LRRC4C: variants seen among roughly 807,000 people sequenced by gnomAD.
LRRC4C encodes leucine-rich repeat-containing protein 4C.
Under a neutral mutation model 33.6 loss-of-function variants are expected in LRRC4C, and 5 were observed. The ratio of observed to expected loss-of-function variants is 0.15; its 90% CI spans 0.08 to 0.31. The LOEUF is 0.31. Ranked by LOEUF, LRRC4C falls within the 10% of genes least tolerant of loss-of-function variation. The pLI is 1.00. For synonymous variants in LRRC4C, 329 were observed against 302.0 expected (o/e 1.09, Z -0.93); for missense variants, 560 against 796.7 (o/e 0.70, Z 3.58).
rs189825400 is a variant in LRRC4C, at chr11:41,364,242, A to G, written c.-496+95189T>C. 3.3e-5 allele frequency among the ~76,000 whole-genome samples: 5 copies of G among 152,312 alleles called. No individual in the cohort carries two copies. The East Asian group carries it at 9.6e-4, about 29-fold the overall frequency. On this transcript the variant is annotated intron_variant, in intron 1 of 6. Coordinates refer to ENST00000528697, the MANE Select transcript of LRRC4C (RefSeq NM_001258419.2). ...TATTCACTAGAATTAAATTTAGTTT[A>G]AAATCTTAAGGCAAAATTTTTTAAA...
intron 1 of LRRC4C, among the ~76,000 whole-genome samples, chr11:41,378,566 T>C (rs1317797413): frequency 2.0e-5 from 3 of 152,118 alleles, no homozygotes; most frequent in Non-Finnish European, 1.5e-5. Context: ...TGCGGTATGC[T>C]CAAGATTTGG....
At chr11:40,467,217 C>T (rs1353505914) in intron 3 of LRRC4C, among the ~76,000 whole-genome samples, 3 of 152,054 alleles carry the variant, frequency 2.0e-5, no homozygotes, top group Non-Finnish European at 4.4e-5. Flanking sequence ...TGCAAAAACT[C>T]AGAGGAAGTT....
At chr11:40,130,990 C>G (rs1856607424) in intron 6 of LRRC4C, among the ~76,000 whole-genome samples, 1 of 152,144 alleles carries the variant, frequency 6.6e-6, no homozygotes, top group Non-Finnish European at 1.5e-5. Context: ...CCTAAATTGT[C>G]CGTAAAGCCA....
rs1477656314 is a variant in LRRC4C, at chr11:40,480,344, AAAAT to A, written c.-269-160627_-269-160624del. Among the ~76,000 whole-genome samples the A allele has an allele frequency of 2.6e-5, 4 of 151,392 alleles. No individual in the cohort carries two copies. In the East Asian group the frequency reaches 5.8e-4, roughly 22 times the overall value. On this transcript the variant is annotated intron_variant, in intron 3 of 6. Transcript: ENST00000528697. Reference sequence around the variant, plus strand: ...TTTTCTCCTCTCCCATCTATGAATTAAAATAAATAAAAATAAAAATAAAAATAAA... The same window carrying A: ...TTTTCTCCTCTCCCATCTATGAATTAAAATAAAAATAAAAATAAAAATAAA...
chr11:40,306,941 G>GA (rs1565255913), intron 4 of LRRC4C, among the ~76,000 whole-genome samples: 3 of 146,942 alleles, frequency 2.0e-5, no homozygotes. Flanking sequence ...AGGTTATCTG[G>GA]TTTTTTTTTT....
chr11:41,270,006 C>T (rs974474554), intron 1 of LRRC4C, among the ~76,000 whole-genome samples: 6 of 151,952 alleles, frequency 3.9e-5, no homozygotes, highest in Admixed American at 1.3e-4. Flanking sequence ...AAATATTTAG[C>T]GGGGGATTGG....
intron 3 of LRRC4C, among the ~76,000 whole-genome samples, chr11:40,438,405 G>C (rs1354965974): frequency 2.0e-5 from 3 of 152,096 alleles, no homozygotes; most frequent in African/African-American, 7.2e-5. Flanking sequence ...TTATCACCTT[G>C]ATTGGTCTCC....
chr11:40,378,443 G>A (rs2137319524), intron 3 of LRRC4C, among the ~76,000 whole-genome samples: 1 of 151,952 alleles, frequency 6.6e-6, no homozygotes, highest in Middle Eastern at 3.4e-3. Flanking sequence ...TCCATGTTGG[G>A]TAATGTTAAA....
At chr11:40,456,000 C>T (rs1245345369) in intron 3 of LRRC4C, among the ~76,000 whole-genome samples, 1 of 152,112 alleles carries the variant, frequency 6.6e-6, no homozygotes, top group African/African-American at 2.4e-5. Flanking sequence ...TCCATGTTCT[C>T]AATACCTAAC....
intron 3 of LRRC4C, among the ~76,000 whole-genome samples, chr11:40,396,525 G>C (rs1949548103): frequency 6.6e-6 from 1 of 152,210 alleles, no homozygotes; most frequent in East Asian, 1.9e-4. Flanking sequence ...GGATAAGAGA[G>C]AGTGATGGAG....
At chr11:41,296,456 A>C (rs766063878) in intron 1 of LRRC4C, among the ~76,000 whole-genome samples, 1 of 151,982 alleles carries the variant, frequency 6.6e-6, no homozygotes. Flanking sequence ...CTGGGATTAC[A>C]GGCACTCACC....
chr11:41,234,442 A>T (rs1337032514), intron 1 of LRRC4C, among the ~76,000 whole-genome samples: 3 of 152,030 alleles, frequency 2.0e-5, no homozygotes, highest in Non-Finnish European at 2.9e-5. Flanking sequence ...AACTATAATC[A>T]TTATGTTGTA....
chr11:40,787,263 G>GT (rs939969123), intron 2 of LRRC4C, among the ~76,000 whole-genome samples: 1 of 151,932 alleles, frequency 6.6e-6, no homozygotes, highest in African/African-American at 2.4e-5. Context: ...TTGCCAACTG[G>GT]GGGGGGTAGG....
At chr11:40,311,219 T>C (rs1945287945) in intron 4 of LRRC4C, among the ~76,000 whole-genome samples, 1 of 152,348 alleles carries the variant, frequency 6.6e-6, no homozygotes, top group African/African-American at 2.4e-5. Context: ...TATGGCAAGA[T>C]AGCATATGCG....
At chr11:41,296,616 T>C (rs1325555996) in intron 1 of LRRC4C, among the ~76,000 whole-genome samples, 1 of 152,168 alleles carries the variant, frequency 6.6e-6, no homozygotes, top group Non-Finnish European at 1.5e-5. Context: ...GGGCCTATGC[T>C]GTGCTTTTTT....
chr11:41,095,611 T>C (rs1940760729), intron 1 of LRRC4C, among the ~76,000 whole-genome samples: 1 of 152,206 alleles, frequency 6.6e-6, no homozygotes, highest in Non-Finnish European at 1.5e-5. Context: ...TTTTCTTTCC[T>C]ACAGAGGCAT....
intron 2 of LRRC4C, among the ~76,000 whole-genome samples, chr11:40,734,770 T>C (rs989446860): frequency 6.6e-6 from 1 of 152,074 alleles, no homozygotes; most frequent in Non-Finnish European, 1.5e-5. Flanking sequence ...GGGAGTATGA[T>C]GGTTAATTTT....
At chr11:41,119,896 A>G (rs2135754655) in intron 1 of LRRC4C, among the ~76,000 whole-genome samples, 1 of 152,288 alleles carries the variant, frequency 6.6e-6, no homozygotes, top group African/African-American at 2.4e-5. Flanking sequence ...AGTTTTTGCT[A>G]TTAAAAAAAT....
At chr11:40,372,502 T>C (rs895119711) in intron 3 of LRRC4C, among the ~76,000 whole-genome samples, 10 of 152,208 alleles carry the variant, frequency 6.6e-5, no homozygotes, top group African/African-American at 2.4e-4. Flanking sequence ...TCCAGGATAA[T>C]CTCTTTATTT....
Sources: allele counts gnomAD v4.1 joint callset (sites outside exome capture counted in the v4.1 genomes callset), GRCh38; gene constraint gnomAD v4.1.1; transcripts MANE v1.5; gene names NCBI Gene and HGNC (gene_info 2026-07-23, HGNC 2026-07-21).